The following RNF115 variants were observed in gnomAD, a reference collection of about 807,000 sequenced individuals.
The protein encoded by RNF115 is E3 ubiquitin-protein ligase RNF115.
RNF115 carries 31 observed loss-of-function variants against 39.2 expected under a neutral mutation model. That is an observed-to-expected ratio of 0.79 (90% CI 0.59 to 1.07). The LOEUF (loss-of-function observed/expected upper bound fraction) is 1.07, where lower values mean the gene tolerates loss of function less well. Among genes scored for constraint, RNF115 ranks in the 50% least tolerant of loss-of-function variants. RNF115 has a pLI of 0.00. For synonymous variants in RNF115, 124 were observed against 131.0 expected, an observed-to-expected ratio of 0.95 and a Z score of 0.37; for missense variants, 384 against 381.7, an observed-to-expected ratio of 1.01 and a Z score of -0.05.
intron 1 of RNF115, among the ~76,000 whole-genome samples, chr1:145,807,028 A>G (rs1649493955): frequency 6.6e-6 from 1 of 152,220 alleles, no homozygotes; most frequent in South Asian, 2.1e-4. Context: ...CACAAAATGG[A>G]CTAAGACAAC....
intron 1 of RNF115, among the ~76,000 whole-genome samples, chr1:145,798,395 A>G (rs1649080386): frequency 6.6e-6 from 1 of 152,152 alleles, no homozygotes; most frequent in Non-Finnish European, 1.5e-5. Flanking sequence ...GTGAAAGTCC[A>G]GTTTTCCCAA....
At chr1:145,802,563 A>G (rs1221106866) in intron 1 of RNF115, among the ~76,000 whole-genome samples, 2 of 152,214 alleles carry the variant, frequency 1.3e-5, no homozygotes, top group Admixed American at 1.3e-4. Flanking sequence ...CAAATGTAAT[A>G]TAAAGACTTA....
chr1:145,765,305 C>A (rs587667202), intron 4 of RNF115, among the ~76,000 whole-genome samples: 9 of 152,216 alleles, frequency 5.9e-5, no homozygotes, highest in South Asian at 2.1e-4. Flanking sequence ...GGCCCTCTGC[C>A]TAGGAAAACC....
chr1:145,752,998 T>C lies in RNF115; in HGVS notation c.480A>G (p.Gly160=). Reference sequence around the variant, plus strand: ...CTTACCAGGAAAAAGGGTGTGGAGATCCAGGAATGGCAGAATTTGCAAAGA... The same window carrying C: ...CTTACCAGGAAAAAGGGTGTGGAGACCCAGGAATGGCAGAATTTGCAAAGA... ...AGFFANSAIP[G]SPHPFSWSGM... is the part of the protein sequence containing the mutation. The change falls in exon 5 of 9, where the codon GGA becomes GGG. Residue 160 remains glycine, a synonymous_variant. Coordinates refer to ENST00000582693, the MANE Select transcript of RNF115 (RefSeq NM_014455.4). 1 of 1,610,570 alleles carries C rather than the reference T, an allele frequency of 6.2e-7. No homozygotes were observed.
intron 4 of RNF115, among the ~76,000 whole-genome samples, chr1:145,770,132 ACT>A (rs1441485099): frequency 6.6e-6 from 1 of 152,136 alleles, no homozygotes; most frequent in Non-Finnish European, 1.5e-5. Flanking sequence ...AGGGAGAAAA[ACT>A]CTAAGGTCAT....
At chr1:145,758,944 G>A (rs1227299209) in intron 4 of RNF115, among the ~76,000 whole-genome samples, 5 of 152,180 alleles carry the variant, frequency 3.3e-5, no homozygotes, top group Admixed American at 3.3e-4. Context: ...GGGAAGATGT[G>A]GAGGGAAGGA....
At chr1:145,766,139 C>G (rs1217291588) in intron 4 of RNF115, among the ~76,000 whole-genome samples, 1 of 152,120 alleles carries the variant, frequency 6.6e-6, no homozygotes, top group Non-Finnish European at 1.5e-5. Flanking sequence ...GAGGACCCTG[C>G]GGCCTTCCGC....
intron 1 of RNF115, among the ~76,000 whole-genome samples, chr1:145,799,900 G>C (rs1485882787): frequency 6.6e-6 from 1 of 152,118 alleles, no homozygotes; most frequent in African/African-American, 2.4e-5. Flanking sequence ...AGCCACTGTG[G>C]GCTTTTCATA....
At chr1:145,750,305 C>T in intron 7 of RNF115, 102 bp downstream of exon 7, 22 of 912,370 alleles carry the variant, frequency 2.4e-5, no homozygotes, top group African/African-American at 3.4e-5. Flanking sequence ...ATTTTTTTGT[C>T]TTTTTATTTT....
At chr1:145,815,026 T>C (rs868974965) in intron 1 of RNF115, among the ~76,000 whole-genome samples, 2 of 152,292 alleles carry the variant, frequency 1.3e-5, no homozygotes, top group African/African-American at 4.8e-5. Context: ...GACATCTCTC[T>C]GGGACCTTTC....
intron 1 of RNF115, among the ~76,000 whole-genome samples, chr1:145,791,596 A>AAT (rs1206521663): frequency 6.6e-6 from 1 of 152,124 alleles, no homozygotes; most frequent in Non-Finnish European, 1.5e-5. Context: ...GAGGCAGTAC[A>AAT]ATATTTCTAT....
intron 3 of RNF115, among the ~76,000 whole-genome samples, chr1:145,783,242 G>C: frequency 6.6e-6 from 1 of 152,080 alleles, no homozygotes; most frequent in East Asian, 1.9e-4. Flanking sequence ...GATCTGTCTG[G>C]AATCACTCTA....
chr1:145,750,398 T>C lies in RNF115; in HGVS notation c.667+9A>G. On this transcript the variant is annotated intron_variant, in intron 7 of 8. Transcript: ENST00000582693. ...GAAGATGACAGAATAAGTATAAAAA[T>C]GAACCTACCAACTTGTTCCTGAGTT... 1.2e-6 allele frequency: 2 copies of C among 1,600,922 alleles called. No homozygotes were observed. The highest frequency in any genetic ancestry group is 1.7e-6 in the Non-Finnish European group (2 of 1,168,102).
At chr1:145,782,892 C>T (rs1553717638) in intron 3 of RNF115, among the ~76,000 whole-genome samples, 1 of 152,168 alleles carries the variant, frequency 6.6e-6, no homozygotes, top group Non-Finnish European at 1.5e-5. Context: ...GATGGAGTCT[C>T]GCTCTGTCAC....
At chr1:145,813,022 T>TA (rs1399819882) in intron 1 of RNF115, among the ~76,000 whole-genome samples, 40,281 of 145,212 alleles carry the variant, frequency 0.28, 6,507 homozygotes, top group Non-Finnish European at 0.36. Flanking sequence ...TTTCAGCACC[T>TA]AAACTTCTGT....
chr1:145,801,407 A>C (rs1649238115), intron 1 of RNF115, among the ~76,000 whole-genome samples: 1 of 152,068 alleles, frequency 6.6e-6, no homozygotes, highest in African/African-American at 2.4e-5. Context: ...TCTACTAAAA[A>C]TACAAAAATT....
At chr1:145,758,203 G>A (rs1658372913) in intron 4 of RNF115, among the ~76,000 whole-genome samples, 1 of 152,072 alleles carries the variant, frequency 6.6e-6, no homozygotes, top group South Asian at 2.1e-4. Context: ...GATATTATGG[G>A]TTTTTTTCCT....
chr1:145,813,096 A>G (rs1182777818), intron 1 of RNF115, among the ~76,000 whole-genome samples: 2 of 150,424 alleles, frequency 1.3e-5, no homozygotes, highest in Non-Finnish European at 3.0e-5. Context: ...TTCTCTGCAA[A>G]TAAGGATTGC....
chr1:145,785,505 T>G (rs1571751292), intron 2 of RNF115, among the ~76,000 whole-genome samples: 1 of 152,116 alleles, frequency 6.6e-6, no homozygotes, highest in South Asian at 2.1e-4. Context: ...CCATGAAATT[T>G]GCAAAGAACA....
Sources: gnomAD v4.1 joint callset for allele counts (sites outside exome capture counted in the v4.1 genomes callset) on GRCh38, gnomAD v4.1.1 for gene constraint, MANE v1.5 for transcripts, NCBI Gene and HGNC (gene_info 2026-07-23, HGNC 2026-07-21) for gene names.